LIPH: variants seen among roughly 807,000 people sequenced by gnomAD.
LIPH encodes lipase H, also known as lipase member H.
In LIPH, 32 loss-of-function variants were observed where a neutral mutation model predicts 47.6. That is an observed-to-expected ratio of 0.67 (90% CI 0.51 to 0.90). LIPH has a LOEUF of 0.90. LIPH is among the 40% of genes least tolerant of loss of function. The pLI is 0.00. For synonymous variants in LIPH, 190 were observed against 195.6 expected (o/e 0.97, Z 0.24); for missense variants, 497 against 541.4 (o/e 0.92, Z 0.81).
intron 1 of LIPH, among the ~76,000 whole-genome samples, chr3:185,536,762 T>G (rs1354922256): frequency 6.6e-6 from 1 of 152,242 alleles, no homozygotes; most frequent in East Asian, 1.9e-4. Context: ...TTGGTTACAC[T>G]TAAATTCATG....
intron 1 of LIPH, among the ~76,000 whole-genome samples, chr3:185,538,314 C>T (rs978753331): frequency 6.6e-6 from 1 of 152,086 alleles, no homozygotes; most frequent in Non-Finnish European, 1.5e-5. Flanking sequence ...TGTCAGGTGG[C>T]ATTTTAGAGG....
intron 3 of LIPH, among the ~76,000 whole-genome samples, 174 bp from the exon 4 acceptor site, chr3:185,527,759 T>C (rs1212030508): frequency 6.9e-6 from 1 of 145,222 alleles, no homozygotes; most frequent in Non-Finnish European, 1.5e-5. Context: ...TGCAGCTTGT[T>C]CCCACAGTGG....
chr3:185,546,472 G>A (rs1720877188), intron 1 of LIPH, among the ~76,000 whole-genome samples: 1 of 151,996 alleles, frequency 6.6e-6, no homozygotes, highest in Admixed American at 6.6e-5. Context: ...AGCCTGCCTG[G>A]GCAATATGGC....
intron 8 of LIPH, 31 bp downstream of exon 8, chr3:185,514,379 G>A (rs1282989665): frequency 1.1e-6 from 1 of 897,702 alleles, no homozygotes; most frequent in Non-Finnish European, 1.9e-6. Flanking sequence ...AAGGGAAATA[G>A]CGCACTGCAA....
chr3:185,542,375 G>A (rs567743943), intron 1 of LIPH, among the ~76,000 whole-genome samples: 1 of 151,552 alleles, frequency 6.6e-6, no homozygotes, highest in Non-Finnish European at 1.5e-5. Context: ...GAGTGCAGTG[G>A]CGAGATCTCG....
chr3:185,546,421 G>T (rs1332529636), intron 1 of LIPH, among the ~76,000 whole-genome samples: 1 of 151,914 alleles, frequency 6.6e-6, no homozygotes, highest in Middle Eastern at 3.4e-3. Context: ...CCAGCTACTT[G>T]GGAGGCTGAG....
At chr3:185,522,650 A>AAGAAAGAAAAGG (rs1235808164) in intron 5 of LIPH, among the ~76,000 whole-genome samples, 1 of 141,896 alleles carries the variant, frequency 7.0e-6, no homozygotes, top group Non-Finnish European at 1.5e-5. Flanking sequence ...GAGAGAAAGA[A>AAGAAAGAAAAGG]AAAGAAAGAA....
At chr3:185,546,498 A>T (rs866654173) in intron 1 of LIPH, among the ~76,000 whole-genome samples, 35 of 145,718 alleles carry the variant, frequency 2.4e-4, no homozygotes, top group African/African-American at 8.2e-4. Flanking sequence ...CCATCTCTTT[A>T]AAAAAAAAAA....
intron 1 of LIPH, among the ~76,000 whole-genome samples, chr3:185,540,670 A>G (rs1720673527): frequency 6.7e-6 from 1 of 150,266 alleles, no homozygotes; most frequent in African/African-American, 2.5e-5. Context: ...GTGAGCCGAG[A>G]TCTCACCACT....
chr3:185,543,235 A>G (rs1720769254), intron 1 of LIPH, among the ~76,000 whole-genome samples: 1 of 152,042 alleles, frequency 6.6e-6, no homozygotes, highest in Non-Finnish European at 1.5e-5. Flanking sequence ...ATAAATAAAT[A>G]AAATGGTGCC....
At chr3:185,511,486 G>A (rs749439828) in intron 9 of LIPH, 38 bp downstream of exon 9, 3 of 1,602,788 alleles carry the variant, frequency 1.9e-6, no homozygotes, top group Non-Finnish European at 1.7e-6. Flanking sequence ...CAACATCTTT[G>A]GAAAACAGCG....
At chr3:185,529,981 A>AGG (rs1720280730) in intron 3 of LIPH, among the ~76,000 whole-genome samples, 4 of 148,732 alleles carry the variant, frequency 2.7e-5, no homozygotes, top group African/African-American at 1.0e-4. Flanking sequence ...AAAGAAAGAG[A>AGG]GAGAGAGAGA....
intron 7 of LIPH, among the ~76,000 whole-genome samples, chr3:185,514,775 C>T (rs766478286): frequency 2.1e-4 from 32 of 152,160 alleles, no homozygotes; most frequent in Non-Finnish European, 4.3e-4. Context: ...CCAGTGTTTC[C>T]AGGTATTGTG....
At chr3:185,535,938 T>C (rs1720491318) in intron 1 of LIPH, among the ~76,000 whole-genome samples, 1 of 152,104 alleles carries the variant, frequency 6.6e-6, no homozygotes, top group Non-Finnish European at 1.5e-5. Context: ...TTGTAAGTAG[T>C]GACCTCTTGC....
chr3:185,527,686 AC>A, intron 3 of LIPH, 101 bp from the exon 4 acceptor site: 1 of 772,398 alleles, frequency 1.3e-6, no homozygotes, highest in Non-Finnish European at 2.3e-6. Context: ...GCTGCAGGGC[AC>A]CCTCAGGTGG....
chr3:185,508,808 G>T lies in LIPH; in HGVS notation c.1338C>A (p.Cys446Ter). 6.2e-7 allele frequency: 1 copy of T among 1,613,252 alleles called. No homozygotes were observed. Among genetic ancestry groups the T allele is most frequent in the Non-Finnish European group, 8.5e-7 (1 of 1,179,220 alleles). Residue 446 changes from cysteine to a stop codon, truncating the protein, a stop_gained, in exon 10 of 10, where the codon TGC (cysteine) becomes TGA (stop). Coordinates refer to ENST00000296252, the MANE Select transcript of LIPH (RefSeq NM_139248.3). LOFTEE classifies it high-confidence loss of function. ...GCAACAGTTACAACTGCAACTCTGG[G>T]CAAAGAATAGGTTGGAAGACTGTTT... ...NVETVFQPIL[C>*]PELQL
chr3:185,512,624 G>A (rs749552273), intron 8 of LIPH, among the ~76,000 whole-genome samples: 49 of 151,772 alleles, frequency 3.2e-4, no homozygotes, highest in Non-Finnish European at 5.7e-4. Flanking sequence ...GAGTAGCTGG[G>A]ATTACAGGCA....
intron 1 of LIPH, among the ~76,000 whole-genome samples, chr3:185,547,641 G>A (rs895150888): frequency 1.3e-5 from 2 of 152,118 alleles, no homozygotes; most frequent in South Asian, 4.2e-4. Flanking sequence ...TGGCCAACAT[G>A]GCGAAACCCC....
Position 185,524,169 on chromosome 3 carries a change from G to A in LIPH, c.629-9C>T. On this transcript the variant is annotated splice_polypyrimidine_tract_variant and intron_variant, in intron 4 of 9. Coordinates refer to ENST00000296252, the MANE Select transcript of LIPH (RefSeq NM_139248.3). The stretch of plus-strand genomic sequence containing the variant: ...CTCCTTGTAGCCCAGTGCTAAAAGA[G>A]AACACATTCTGCTTTTATACTCCTT... 1 of 1,537,902 alleles carries A rather than the reference G, an allele frequency of 6.5e-7. No homozygotes were observed. Among genetic ancestry groups the A allele is most frequent in the Non-Finnish European group, 9.0e-7 (1 of 1,110,548 alleles).
Sources: gnomAD v4.1 joint callset for allele counts (sites outside exome capture counted in the v4.1 genomes callset) on GRCh38, gnomAD v4.1.1 for gene constraint, MANE v1.5 for transcripts, NCBI Gene and HGNC (gene_info 2026-07-23, HGNC 2026-07-21) for gene names.